TMEM64: variants seen among roughly 807,000 people sequenced by gnomAD.
The protein encoded by TMEM64 is transmembrane protein 64.
In TMEM64, 19 loss-of-function variants were observed where a neutral mutation model predicts 24.5. The observed-to-expected ratio is 0.78, with a 90% CI of 0.54 to 1.14. TMEM64 has a LOEUF of 1.14. Ranked by LOEUF, TMEM64 falls within the 50% of genes most tolerant of loss-of-function variation. TMEM64 has a pLI of 0.00. For synonymous variants in TMEM64, 262 were observed against 224.7 expected (o/e 1.17, Z -1.49); for missense variants, 487 against 493.0 (o/e 0.99, Z 0.12).
At chr8:90,627,696 G>T (rs201675383) in intron 2 of TMEM64, among the ~76,000 whole-genome samples, 1 of 152,106 alleles carries the variant, frequency 6.6e-6, no homozygotes, top group Non-Finnish European at 1.5e-5. Context: ...TGGATTTGCT[G>T]TAAAAAAGTT....
intron 1 of TMEM64, among the ~76,000 whole-genome samples, chr8:90,636,319 G>A (rs767834350): frequency 3.3e-5 from 5 of 152,064 alleles, no homozygotes; most frequent in Admixed American, 6.5e-5. Flanking sequence ...GCAATGGCAC[G>A]ATCTCGGCTC....
chr8:90,642,399 G>C (rs1809617648), intron 1 of TMEM64, among the ~76,000 whole-genome samples: 1 of 151,464 alleles, frequency 6.6e-6, no homozygotes, highest in African/African-American at 2.4e-5. Flanking sequence ...CAAAAAAAAT[G>C]AGTTTTAACT....
rs1166310487 is a variant in TMEM64, at chr8:90,622,084, G to A, written c.*3587C>T. 2.0e-5 allele frequency: 3 copies of A among 152,134 alleles called. No homozygotes were observed. The highest frequency in any genetic ancestry group is 7.2e-5 in the African/African-American group (3 of 41,426). The allele number at this position is 152,134 out of a possible 1,614,324, so 9.4% of individuals were successfully genotyped here. ...CATTTTACTGATTTCCCTTTAGAAT[G>A]ATCTATTTTAAATCTTCAGCCACCT... On this transcript the variant is annotated 3_prime_UTR_variant, in exon 3 of 3. Coordinates refer to ENST00000458549, the MANE Select transcript of TMEM64 (RefSeq NM_001008495.4).
intron 1 of TMEM64, among the ~76,000 whole-genome samples, chr8:90,644,460 A>G (rs1809655775): frequency 6.6e-6 from 1 of 152,120 alleles, no homozygotes; most frequent in East Asian, 1.9e-4. Context: ...CAGATACAGA[A>G]GAAAAATATA....
intron 2 of TMEM64, among the ~76,000 whole-genome samples, chr8:90,627,644 G>A (rs1166640600): frequency 6.6e-6 from 1 of 151,970 alleles, no homozygotes; most frequent in Non-Finnish European, 1.5e-5. Flanking sequence ...GCAGGCGGAG[G>A]GTCTTGACCC....
chr8:90,645,921 G>T lies in TMEM64; in HGVS notation c.-16C>A. 1 of 1,135,548 alleles carries T rather than the reference G, an allele frequency of 8.8e-7. No homozygotes were observed. Among genetic ancestry groups the T allele is most frequent in the South Asian group, 4.3e-5 (1 of 23,458 alleles). The allele number at this position is 1,135,548 out of a possible 1,614,324, so 70.3% of individuals were successfully genotyped here. On this transcript the variant is annotated 5_prime_UTR_variant, in exon 1 of 3. Coordinates refer to ENST00000458549, the MANE Select transcript of TMEM64 (RefSeq NM_001008495.4). This position sits in a 1 kb window ranked among gnomAD's most constrained non-coding sequence, Gnocchi z 4.2. ...GGCTCCGCATGCCTCGGCCCAGCGC[G>T]GGCCCTCAGCCGGCCAGCCCCTCCG...
At chr8:90,628,233 C>T (rs1213550243) in intron 2 of TMEM64, among the ~76,000 whole-genome samples, 3 of 152,190 alleles carry the variant, frequency 2.0e-5, no homozygotes, top group African/African-American at 7.2e-5. Context: ...TACAGAAAGA[C>T]AGGCATCTCT....
In TMEM64 at chr8:90,625,609, G is replaced by A. The variant is rs1474541988; in HGVS notation, c.*62C>T. 54 of 1,345,028 alleles carry A rather than the reference G, an allele frequency of 4.0e-5. No homozygotes were observed. The highest frequency in any genetic ancestry group is 5.5e-5 in the Non-Finnish European group (54 of 973,344). 83.3% of individuals were successfully genotyped at this position (1,345,028 alleles called of 1,614,324 possible). ...TTAGAACTTGTCTCTGCCCACTAGT[G>A]AAGTGACTGCTAGACCTTAGATAGC... is the stretch of plus-strand genomic sequence containing the variant. On this transcript the variant is annotated 3_prime_UTR_variant, in exon 3 of 3. Transcript: ENST00000458549.
chr8:90,629,018 G>C (rs1300005892), intron 2 of TMEM64, among the ~76,000 whole-genome samples: 1 of 152,180 alleles, frequency 6.6e-6, no homozygotes, highest in African/African-American at 2.4e-5. Context: ...ATAAAACTCA[G>C]AGGCAAATTT....
chr8:90,643,108 A>T (rs779191145), intron 1 of TMEM64, among the ~76,000 whole-genome samples: 10 of 152,214 alleles, frequency 6.6e-5, no homozygotes, highest in Non-Finnish European at 1.5e-4. Context: ...GTCAGTCGAT[A>T]AATACATAAT....
chr8:90,632,326 G>C (rs1021400825), intron 1 of TMEM64, among the ~76,000 whole-genome samples: 7 of 151,124 alleles, frequency 4.6e-5, no homozygotes, highest in Non-Finnish European at 7.4e-5. Context: ...TGTTGTTGTT[G>C]TTGTTGTTGT....
Position 90,645,160 on chromosome 8 carries a change from A to G in TMEM64, c.746T>C (p.Leu249Pro), listed in dbSNP as rs370150546. Residue 249 changes from leucine (L) to proline (P), a missense_variant, in exon 1 of 3, where the codon CTG becomes CCG. Coordinates refer to ENST00000458549, the MANE Select transcript of TMEM64 (RefSeq NM_001008495.4). The surrounding 1 kb of genome is among the most constrained non-coding windows in gnomAD (Gnocchi z 4.2). ...AAAAGGTATGGGTGTCAGTCTGGCC[A>G]GCGCCACCACTTTCAGGCCGCTTCC... ...EGGSGLKVVA[L>P]ARLTPIPFGL... 1.2e-6 allele frequency: 2 copies of G among 1,614,018 alleles called. No individual in the cohort carries two copies. The highest frequency in any genetic ancestry group is 8.5e-7 in the Non-Finnish European group (1 of 1,179,908).
rs371807386 is a variant in TMEM64, at chr8:90,625,719, G to A, written c.1095C>T (p.Tyr365=). Reference sequence around the variant, plus strand: ...CAGAAAATGTTAGGGTCCTCTTGTTGTAGAATGAAGAGCCACTGGTATTTG... The same window carrying A: ...CAGAAAATGTTAGGGTCCTCTTGTTATAGAATGAAGAGCCACTGGTATTTG... ...NQPNTSGSSF[Y]NKRTLTFSGG... The change falls in exon 3 of 3, where the codon TAC becomes TAT. Residue 365 remains tyrosine (Y), a synonymous_variant. Transcript: ENST00000458549. The A allele has an allele frequency of 1.1e-4, 174 of 1,613,832 alleles. No homozygotes were observed. The highest frequency in any genetic ancestry group is 1.2e-4 in the Admixed American group (7 of 59,984).
intron 1 of TMEM64, among the ~76,000 whole-genome samples, chr8:90,643,134 A>G (rs1249389434): frequency 6.6e-6 from 1 of 152,208 alleles, no homozygotes; most frequent in Non-Finnish European, 1.5e-5. Flanking sequence ...CTTACTATTT[A>G]CCCATGACTA....
At chr8:90,638,580 AG>A (rs1809557020) in intron 1 of TMEM64, among the ~76,000 whole-genome samples, 4 of 152,210 alleles carry the variant, frequency 2.6e-5, no homozygotes, top group Admixed American at 2.0e-4. Flanking sequence ...CTGTGAGGAA[AG>A]GGATCTGTCG....
chr8:90,634,249 G>A (rs926081860), intron 1 of TMEM64, among the ~76,000 whole-genome samples: 6 of 152,052 alleles, frequency 3.9e-5, no homozygotes, highest in Non-Finnish European at 7.4e-5. Context: ...GACTTATTAT[G>A]TATACTTCAG....
intron 1 of TMEM64, among the ~76,000 whole-genome samples, chr8:90,633,099 T>A (rs1008434254): frequency 3.9e-5 from 6 of 152,162 alleles, no homozygotes; most frequent in African/African-American, 1.4e-4. Flanking sequence ...TCCCTTCCCC[T>A]AGAGCGTGGG....
rs1301987735 is a variant in TMEM64 at position 90,645,839 on chromosome 8, C to T, written c.67G>A (p.Gly23Ser). 2.1e-5 allele frequency: 23 copies of T among 1,099,544 alleles called. No homozygotes were observed. The highest frequency in any genetic ancestry group is 1.0e-4 in the Admixed American group (2 of 19,310). 68.1% of individuals were successfully genotyped at this position (1,099,544 alleles called of 1,614,324 possible). A position where few individuals can be genotyped will look rare whatever the true frequency, so the allele number is the denominator to read the frequency against. ...CAGCGGGCCGGCAGCTCGGCGAGGCCCGGGAGGGCGGCGTGCTGCAGCAGC... is the reference window on the plus strand; with the variant it reads ...CAGCGGGCCGGCAGCTCGGCGAGGCTCGGGAGGGCGGCGTGCTGCAGCAGC... Reference protein sequence around the residue: ...PRLLQHAALPGLAELPARWAL... With the variant: ...PRLLQHAALPSLAELPARWAL... The change falls in exon 1 of 3, where the codon GGC becomes AGC. Residue 23 changes from glycine to serine, a missense_variant. Gly to Ser is a moderately conservative substitution (Grantham distance 56). Coordinates refer to ENST00000458549, the MANE Select transcript of TMEM64 (RefSeq NM_001008495.4). The surrounding 1 kb of genome is among the most constrained non-coding windows in gnomAD (Gnocchi z 4.2).
chr8:90,628,164 A>G (rs901501493), intron 2 of TMEM64, among the ~76,000 whole-genome samples: 1 of 152,258 alleles, frequency 6.6e-6, no homozygotes, highest in Non-Finnish European at 1.5e-5. Flanking sequence ...AATTGTTTTA[A>G]AAGTTTCCTT....
Sources: allele counts gnomAD v4.1 joint callset (sites outside exome capture counted in the v4.1 genomes callset), GRCh38; gene constraint gnomAD v4.1.1; non-coding constraint Gnocchi (gnomAD v3.1); transcripts MANE v1.5; gene names NCBI Gene and HGNC (gene_info 2026-07-23, HGNC 2026-07-21).